Variants in SLC35H1 observed in about 807,000 individuals in gnomAD.
SLC35H1 encodes the protein ovarian cancer-overexpressed gene 1 protein.
At chr20:46,349,530 A>G in the SLC35H1 span, 1 of 152,308 alleles carries the variant, frequency 6.6e-6, no homozygotes. Context: ...TAAAAGGATT[A>G]AAAGAAATGC....
the SLC35H1 span, chr20:46,355,125 G>A: frequency 3.3e-5 from 53 of 1,614,010 alleles, no homozygotes; most frequent in African/African-American, 8.0e-5. The surrounding 1 kb of genome is among the most constrained non-coding windows in gnomAD (Gnocchi z 4.8). Context: ...GAATGCCACC[G>A]ATGAACGAGG....
At chr20:46,354,122 T>A in the SLC35H1 span, among the ~76,000 whole-genome samples, 1 of 152,072 alleles carries the variant, frequency 6.6e-6, no homozygotes, top group East Asian at 1.9e-4. Context: ...GCTCTCCTCA[T>A]CCCTGGAGGA....
At chr20:46,358,533 C>T in the SLC35H1 span, 2 of 1,614,074 alleles carry the variant, frequency 1.2e-6, no homozygotes, top group African/African-American at 1.3e-5. Flanking sequence ...ACCGGAGCTC[C>T]TGAGTCAGCG....
chr20:46,358,931 A>C, the SLC35H1 span: 1 of 623,684 alleles, frequency 1.6e-6, no homozygotes, highest in East Asian at 2.7e-5. Context: ...ACCTCAAGCT[A>C]TTCTCCATGA....
the SLC35H1 span, chr20:46,354,852 G>A: frequency 6.4e-7 from 1 of 1,553,256 alleles, no homozygotes; most frequent in Non-Finnish European, 8.8e-7. Context: ...GCTGCACTGA[G>A]GTGCCCTTGA....
chr20:46,354,764 G>A, the SLC35H1 span: 1 of 900,446 alleles, frequency 1.1e-6, no homozygotes. Context: ...TGCGCTTCCA[G>A]GGGAGGGACT....
At chr20:46,346,581 G>C in the SLC35H1 span, 3 of 152,326 alleles carry the variant, frequency 2.0e-5, no homozygotes, top group Admixed American at 6.5e-5. Context: ...AGGAGTTCAA[G>C]ACCGGCCTGG....
the SLC35H1 span, chr20:46,350,347 C>T: frequency 6.5e-7 from 1 of 1,549,878 alleles, no homozygotes; most frequent in Admixed American, 1.9e-5. Flanking sequence ...TGAGTGCTGG[C>T]AGCAGGCTGG....
At chr20:46,359,935 T>C in the SLC35H1 span, among the ~76,000 whole-genome samples, 1 of 152,064 alleles carries the variant, frequency 6.6e-6, no homozygotes, top group East Asian at 1.9e-4. Flanking sequence ...CTATTTCCCC[T>C]CCCCGGGGCA....
the SLC35H1 span, chr20:46,356,433 T>C: frequency 1.3e-6 from 1 of 783,386 alleles, no homozygotes; most frequent in Admixed American, 2.2e-5. Flanking sequence ...AGCTGCTGGG[T>C]GCCAGGGAGA....
At chr20:46,356,053 CAG>C in the SLC35H1 span, among the ~76,000 whole-genome samples, 2 of 152,078 alleles carry the variant, frequency 1.3e-5, no homozygotes, top group Admixed American at 1.3e-4. Context: ...TGGTTATCAC[CAG>C]AGAGAAGAGG....
At chr20:46,359,199 A>G in the SLC35H1 span, among the ~76,000 whole-genome samples, 7 of 151,986 alleles carry the variant, frequency 4.6e-5, no homozygotes, top group South Asian at 1.5e-3. Context: ...CACTGCACCC[A>G]CCCTTCAGTC....
At chr20:46,350,542 CCA>C in the SLC35H1 span, 16 of 1,573,216 alleles carry the variant, frequency 1.0e-5, no homozygotes, top group Non-Finnish European at 1.4e-5. Context: ...TAGAGAGAGA[CCA>C]CAGTTACAGG....
chr20:46,354,990 T>C, the SLC35H1 span: 1 of 1,613,774 alleles, frequency 6.2e-7, no homozygotes, highest in African/African-American at 1.3e-5. Context: ...ACAGGCACCA[T>C]CAGGTCTGGT....
chr20:46,358,987 G>T, the SLC35H1 span: 3 of 564,516 alleles, frequency 5.3e-6, no homozygotes, highest in Non-Finnish European at 9.5e-6. Context: ...ATCATGTCAG[G>T]CCACTGCTTA....
the SLC35H1 span, chr20:46,359,108 C>T: frequency 1.5e-5 from 5 of 340,444 alleles, no homozygotes; most frequent in Non-Finnish European, 2.8e-5. Context: ...CACAGGCTCT[C>T]CAGGACCTGG....
At chr20:46,350,791 G>A in the SLC35H1 span, 44 of 1,613,996 alleles carry the variant, frequency 2.7e-5, no homozygotes, top group Admixed American at 6.8e-4. Context: ...AGGGCAACGT[G>A]GAGGGATATT....
chr20:46,357,874 C>A, the SLC35H1 span: 1 of 1,353,576 alleles, frequency 7.4e-7, no homozygotes, highest in Non-Finnish European at 1.0e-6. Context: ...GGGGCTCATT[C>A]GGTGGTTCAT....
the SLC35H1 span, chr20:46,352,039 C>G: frequency 6.2e-7 from 1 of 1,613,294 alleles, no homozygotes; most frequent in Non-Finnish European, 8.5e-7. Flanking sequence ...GGCATCACGC[C>G]CGAGTCTGTA....
Sources: allele counts gnomAD v4.1 joint callset (sites outside exome capture counted in the v4.1 genomes callset), GRCh38; gene constraint gnomAD v4.1.1; non-coding constraint Gnocchi (gnomAD v3.1); transcripts MANE v1.5; gene names NCBI Gene and HGNC (gene_info 2026-07-23, HGNC 2026-07-21).